TRAP1: variants seen among roughly 807,000 people sequenced by gnomAD.
The protein encoded by TRAP1 is TNF receptor associated protein 1.
In TRAP1, 102 loss-of-function variants were observed where a neutral mutation model predicts 89.1. The ratio of observed to expected loss-of-function variants is 1.15; its 90% confidence interval spans 0.98 to 1.35. The LOEUF is 1.35. TRAP1 is among the 40% of genes most tolerant of loss of function. TRAP1 has a pLI of 0.00. For missense variants in TRAP1, 1,256 were observed against 945.3 expected, an observed-to-expected ratio of 1.33 and a Z score of -4.31; for synonymous variants, 508 against 388.0, an observed-to-expected ratio of 1.31 and a Z score of -3.64.
At chr16:3,705,407 C>T (rs2051428544) in intron 1 of TRAP1, among the ~76,000 whole-genome samples, 1 of 152,032 alleles carries the variant, frequency 6.6e-6, no homozygotes. Flanking sequence ...AGAAGCCCTA[C>T]AGCCACTCAT....
At chr16:3,691,718 A>T (rs560878926) in intron 1 of TRAP1, among the ~76,000 whole-genome samples, 1 of 151,778 alleles carries the variant, frequency 6.6e-6, no homozygotes, top group Non-Finnish European at 1.5e-5. Context: ...TAATATTCTG[A>T]AACTGTCTCA....
Position 3,677,600 on chromosome 16 carries a change from A to G in TRAP1, c.602T>C (p.Phe201Ser). 1.2e-6 allele frequency: 2 copies of G among 1,614,174 alleles called. No individual in the cohort carries two copies. The highest frequency in any genetic ancestry group is 1.3e-5 in the African/African-American group (1 of 75,040). Residue 201 changes from phenylalanine to serine, a missense_variant, in exon 6 of 18, where the codon TTT (phenylalanine) becomes TCT (serine). Physicochemically the swap from Phe to Ser is radical, Grantham distance 155. Transcript: ENST00000246957. ...GAAAGCTGAGTAGAAACCCACTCCA[A>G]ACTGGCCGATGATCTTGCTGCTGGC... is the stretch of plus-strand genomic sequence containing the variant. Reference protein sequence around the residue: ...AEASSKIIGQFGVGFYSAFMV... With the variant: ...AEASSKIIGQSGVGFYSAFMV...
intron 5 of TRAP1, chr16:3,678,094 G>T (rs146672975): frequency 6.0e-6 from 1 of 166,596 alleles, no homozygotes; most frequent in Non-Finnish European, 1.3e-5. Flanking sequence ...TAGAAATCAC[G>T]CGCATGCGTC....
At chr16:3,658,762 C>T (rs2042880145) in intron 17 of TRAP1, 31 bp downstream of exon 17, 2 of 1,603,910 alleles carry the variant, frequency 1.2e-6, no homozygotes, top group African/African-American at 1.3e-5. Flanking sequence ...TAGCCTGGGT[C>T]CCTGCAGTCA....
Position 3,677,535 on chromosome 16 carries a change from C to T in TRAP1, c.667G>A (p.Ala223Thr). The T allele has an allele frequency of 1.2e-6, 2 of 1,614,204 alleles. No homozygotes were observed. The change falls in exon 6 of 18, where the codon GCC becomes ACC. Residue 223 changes from alanine to threonine, a missense_variant. Physicochemically the swap from Ala to Thr is moderately conservative, Grantham distance 58. Transcript: ENST00000246957. ...DRVEVYSRSA[A>T]PGSLGYQWLS... Reference sequence around the variant, plus strand: ...CACTGGTAACCCAGGCTCCCCGGGGCTGCCGAGCGGGAATAGACCTCCACT... The same window carrying T: ...CACTGGTAACCCAGGCTCCCCGGGGTTGCCGAGCGGGAATAGACCTCCACT...
intron 10 of TRAP1, 120 bp from the exon 11 acceptor site, chr16:3,671,911 G>A (rs1194907157): frequency 2.5e-5 from 26 of 1,055,158 alleles, no homozygotes; most frequent in Non-Finnish European, 2.8e-5. Context: ...GTGCTAAGAG[G>A]GAAGCAGGGA....
At chr16:3,679,135 C>T (rs117234537) in intron 5 of TRAP1, among the ~76,000 whole-genome samples, 11 of 151,850 alleles carry the variant, frequency 7.2e-5, no homozygotes, top group Admixed American at 3.3e-4. Context: ...ACTAAAGATA[C>T]AAAAAATTGG....
intron 1 of TRAP1, among the ~76,000 whole-genome samples, chr16:3,706,651 G>C (rs1466059910): frequency 2.0e-5 from 3 of 151,664 alleles, no homozygotes; most frequent in Non-Finnish European, 4.4e-5. Context: ...TTTCGAGATG[G>C]AGTCTCACTA....
intron 1 of TRAP1, among the ~76,000 whole-genome samples, chr16:3,695,310 C>T (rs1194082245): frequency 1.3e-5 from 2 of 152,106 alleles, no homozygotes; most frequent in African/African-American, 4.8e-5. Context: ...GGGAACATGA[C>T]ACTTCCACAT....
At chr16:3,665,940 C>G (rs369967968) in intron 12 of TRAP1, 31 bp downstream of exon 12, 1 of 1,596,834 alleles carries the variant, frequency 6.3e-7, no homozygotes, top group Non-Finnish European at 8.5e-7. Flanking sequence ...CAAGGTGGCC[C>G]AGAAAAAGGC....
At chr16:3,663,669 G>T (rs943929758) in intron 13 of TRAP1, 107 bp from the exon 14 acceptor site, 19 of 1,404,382 alleles carry the variant, frequency 1.4e-5, no homozygotes, top group African/African-American at 1.3e-4. Context: ...GGGCCACACT[G>T]GGGAACACCG....
At chr16:3,690,763 T>C (rs944627415) in intron 2 of TRAP1, 64 bp downstream of exon 2, 130 of 1,326,234 alleles carry the variant, frequency 9.8e-5, no homozygotes, top group Non-Finnish European at 1.2e-4. Context: ...ACCCTGAAAA[T>C]GCCCCTTTAC....
At chr16:3,693,994 C>A (rs1352560488) in intron 1 of TRAP1, among the ~76,000 whole-genome samples, 1 of 78,504 alleles carries the variant, frequency 1.3e-5, no homozygotes, top group Non-Finnish European at 2.3e-5. Flanking sequence ...CAGCGAGACT[C>A]TGTCTCAAAA....
intron 1 of TRAP1, among the ~76,000 whole-genome samples, chr16:3,713,401 C>T (rs129989): frequency 0.021 from 3,205 of 152,288 alleles, 48 homozygotes; most frequent in Non-Finnish European, 0.032. Flanking sequence ...AGTACTTGAG[C>T]CCTGAGCAAA....
intron 3 of TRAP1, among the ~76,000 whole-genome samples, chr16:3,687,892 A>C (rs902701536): frequency 6.6e-6 from 1 of 150,696 alleles, no homozygotes; most frequent in Non-Finnish European, 1.5e-5. Flanking sequence ...AACCCACACA[A>C]TTAAAAATAG....
chr16:3,666,086 A>T lies in TRAP1; in HGVS notation c.1268T>A (p.Ile423Asn), dbSNP rs1231429097. The T allele has an allele frequency of 6.2e-7, 1 of 1,614,086 alleles. No individual in the cohort carries two copies. Among genetic ancestry groups the T allele is most frequent in the Non-Finnish European group, 8.5e-7 (1 of 1,179,984 alleles). The change falls in exon 12 of 18, where the codon ATC becomes AAC. Residue 423 changes from isoleucine to asparagine, a missense_variant. Physicochemically the swap from Ile to Asn is moderately radical, Grantham distance 149. Coordinates refer to ENST00000246957, the MANE Select transcript of TRAP1 (RefSeq NM_016292.3). ...KLRDVLQQRL[I>N]KFFIDQSKKD... The stretch of plus-strand genomic sequence containing the variant: ...TTTACTCTGGTCAATGAAGAATTTG[A>T]TCAGCCTCTGCTGTAAAACGTCCCG...
chr16:3,683,531 G>A lies in TRAP1; in HGVS notation c.471+2465C>T, dbSNP rs188393684. ...CTCCTGAGCAGCTGGGATTACAGGTGCACACCACCACATCTGGCTAATTTT... is the reference window on the plus strand; with the variant it reads ...CTCCTGAGCAGCTGGGATTACAGGTACACACCACCACATCTGGCTAATTTT... On this transcript the variant is annotated intron_variant, in intron 4 of 17. Coordinates refer to ENST00000246957, the MANE Select transcript of TRAP1 (RefSeq NM_016292.3). Among the ~76,000 whole-genome samples, 519 of 151,730 alleles carry A rather than the reference G, an allele frequency of 3.4e-3. 2 individuals are homozygous for A. The highest frequency in any genetic ancestry group is 0.012 in the African/African-American group (499 of 41,384).
chr16:3,692,112 C>T (rs1287381465), intron 1 of TRAP1, among the ~76,000 whole-genome samples: 3 of 152,180 alleles, frequency 2.0e-5, no homozygotes, highest in Non-Finnish European at 4.4e-5. Context: ...ATGTGGCCAG[C>T]CAGCCACGCC....
In TRAP1 at chr16:3,688,064, A is replaced by T. The variant is rs2051161822; in HGVS notation, c.330+991T>A. Among the ~76,000 whole-genome samples, 4 of 152,110 alleles carry T rather than the reference A, an allele frequency of 2.6e-5. No individual in the cohort carries two copies. The South Asian group carries it at 8.3e-4, about 32-fold the overall frequency. On this transcript the variant is annotated intron_variant, in intron 3 of 17. Transcript: ENST00000246957. ...AGCTTTGAAATCTGCTGCTTTACAA[A>T]CTTTCTTCAGGACTCTCCTTTGCCT...
Sources: gnomAD v4.1 joint callset for allele counts (sites outside exome capture counted in the v4.1 genomes callset) on GRCh38, gnomAD v4.1.1 for gene constraint, MANE v1.5 for transcripts, NCBI Gene and HGNC (gene_info 2026-07-23, HGNC 2026-07-21) for gene names.